The following CSMD2 variants were observed in gnomAD, a reference collection of about 807,000 sequenced individuals.
The protein encoded by CSMD2 is CUB and sushi domain-containing protein 2.
Under a neutral mutation model 398.5 loss-of-function variants are expected in CSMD2, and 130 were observed. The observed-to-expected ratio is 0.33, with a 90% confidence interval of 0.28 to 0.38. The LOEUF is 0.38. Among genes scored for constraint, CSMD2 ranks in the 10% least tolerant of loss-of-function variants. CSMD2 has a pLI of 1.00. For synonymous variants in CSMD2, 1,828 were observed against 1,908.5 expected (o/e 0.96, Z 1.10); for missense variants, 3,829 against 4,764.9 (o/e 0.80, Z 5.78).
chr1:33,723,073 GATCT>G (rs1425676740), intron 19 of CSMD2, among the ~76,000 whole-genome samples: 1 of 152,056 alleles, frequency 6.6e-6, no homozygotes, highest in Non-Finnish European at 1.5e-5. Flanking sequence ...CACACGGAGG[GATCT>G]ATTTCTGGAC....
Position 33,949,276 on chromosome 1 carries a change from G to A in CSMD2, c.518-13322C>T, listed in dbSNP as rs146714540. 6.6e-5 allele frequency among the ~76,000 whole-genome samples: 10 copies of A among 152,290 alleles called. No individual in the cohort carries two copies. In the East Asian group the frequency reaches 1.9e-3, roughly 29 times the overall value. On this transcript the variant is annotated intron_variant, in intron 3 of 70. Transcript: ENST00000373381. ...ACATATAAGCCCCTGGATTCCCTGG[G>A]AGAAGATGCCAGGGCAGTGTGGGAG...
intron 5 of CSMD2, among the ~76,000 whole-genome samples, chr1:33,861,778 T>G (rs538560845): frequency 1.3e-5 from 2 of 152,078 alleles, no homozygotes; most frequent in East Asian, 3.9e-4. Flanking sequence ...CAGGAGGAGA[T>G]AAAGAAAGGG....
chr1:33,732,362 A>G (rs962234252), intron 15 of CSMD2, among the ~76,000 whole-genome samples: 1 of 152,222 alleles, frequency 6.6e-6, no homozygotes, highest in African/African-American at 2.4e-5. Flanking sequence ...CCTAGCCACC[A>G]ATGTGACTGC....
chr1:33,717,517 C>T (rs920669351), intron 19 of CSMD2, among the ~76,000 whole-genome samples: 1 of 151,720 alleles, frequency 6.6e-6, no homozygotes, highest in African/African-American at 2.4e-5. Flanking sequence ...TCTTCTGTTA[C>T]CTAGGGAAGG....
At position 33,533,190 on chromosome 1, in the gene CSMD2, T is replaced by C. The variant is rs201358961; in HGVS notation, c.10031A>G (p.Asn3344Ser). 67 of 1,613,998 alleles carry C rather than the reference T, an allele frequency of 4.2e-5. No individual in the cohort carries two copies. The highest frequency in any genetic ancestry group is 6.7e-5 in the Admixed American group (4 of 60,022). Residue 3344 changes from asparagine to serine, a missense_variant, in exon 64 of 71, where the codon AAC (asparagine) becomes AGC (serine). Asn to Ser is a conservative substitution (Grantham distance 46). Transcript: ENST00000373381. This position sits in a 1 kb window ranked among gnomAD's most constrained non-coding sequence, Gnocchi z 4.2. ...CRQPETPTHANVGALDLPSMG... is the reference protein window; with the variant it reads ...CRQPETPTHASVGALDLPSMG... Reference sequence around the variant, plus strand: ...GGAGGGCAAATCCAGGGCCCCGACGTTGGCATGCGTTGGCGTCTCTGGCTG... The same window carrying C: ...GGAGGGCAAATCCAGGGCCCCGACGCTGGCATGCGTTGGCGTCTCTGGCTG...
At chr1:34,005,155 G>A (rs1419927128) in intron 3 of CSMD2, among the ~76,000 whole-genome samples, 2 of 152,192 alleles carry the variant, frequency 1.3e-5, no homozygotes, top group Admixed American at 6.5e-5. Flanking sequence ...TCTTCCCAGA[G>A]TAATAGGAAG....
At chr1:33,659,669 A>G (rs760512089) in intron 26 of CSMD2, among the ~76,000 whole-genome samples, 1 of 152,214 alleles carries the variant, frequency 6.6e-6, no homozygotes, top group Non-Finnish European at 1.5e-5. Context: ...CTCTTCTGCT[A>G]TCAGGAGGAC....
chr1:33,958,126 T>C (rs1645231488), intron 3 of CSMD2, among the ~76,000 whole-genome samples: 1 of 152,156 alleles, frequency 6.6e-6, no homozygotes, highest in Non-Finnish European at 1.5e-5. Context: ...CCCACGCCTT[T>C]TCCTGACTGC....
intron 55 of CSMD2, among the ~76,000 whole-genome samples, chr1:33,550,996 CATTT>C (rs1360220990): frequency 1.3e-5 from 2 of 152,210 alleles, no homozygotes; most frequent in African/African-American, 4.8e-5. Context: ...AAGATTCTCT[CATTT>C]ACTCAACACA....
At chr1:34,087,989 C>CTGGG (rs1658107925) in intron 2 of CSMD2, among the ~76,000 whole-genome samples, 1 of 152,168 alleles carries the variant, frequency 6.6e-6, no homozygotes, top group African/African-American at 2.4e-5. Flanking sequence ...GATGCCCCCC[C>CTGGG]GCCTCTGCTG....
At chr1:33,817,712 A>T (rs963706906) in intron 9 of CSMD2, among the ~76,000 whole-genome samples, 1 of 152,260 alleles carries the variant, frequency 6.6e-6, no homozygotes, top group African/African-American at 2.4e-5. Flanking sequence ...TGCCTCATCT[A>T]GTCCTCAAAG....
intron 29 of CSMD2, among the ~76,000 whole-genome samples, chr1:33,644,265 T>C (rs1643288519): frequency 6.6e-6 from 1 of 152,188 alleles, no homozygotes; most frequent in African/African-American, 2.4e-5. Flanking sequence ...ATGAATTTCC[T>C]TGGAGAAGAC....
At chr1:33,577,578 T>C (rs1164494039) in intron 48 of CSMD2, 94 bp from the exon 49 acceptor site, 7 of 1,093,548 alleles carry the variant, frequency 6.4e-6, no homozygotes, top group Non-Finnish European at 7.6e-6. Context: ...CTCCCCCCCA[T>C]CCCCTTGTCT....
intron 2 of CSMD2, among the ~76,000 whole-genome samples, chr1:34,056,878 G>T (rs1041798003): frequency 6.6e-6 from 1 of 152,190 alleles, no homozygotes; most frequent in South Asian, 2.1e-4. Context: ...GTCATATAAG[G>T]TGCCACTGGG....
intron 3 of CSMD2, among the ~76,000 whole-genome samples, chr1:34,024,444 AG>A (rs1314597151): frequency 6.6e-6 from 1 of 152,266 alleles, no homozygotes; most frequent in Non-Finnish European, 1.5e-5. Context: ...TCTTCCCCAA[AG>A]GGGTAAAATA....
chr1:33,698,979 C>A, intron 23 of CSMD2, 35 bp from the exon 24 acceptor site: 2 of 1,560,374 alleles, frequency 1.3e-6, no homozygotes, highest in African/African-American at 1.4e-5. Context: ...TGAGTAAGAC[C>A]TATTGTGGCA....
In CSMD2 at chr1:33,900,790, A is replaced by G. The variant is rs574119217; in HGVS notation, c.920+17304T>C. Among the ~76,000 whole-genome samples, 8 of 152,346 alleles carry G rather than the reference A, an allele frequency of 5.3e-5. No homozygotes were observed. The South Asian group carries it at 1.7e-3, about 32-fold the overall frequency. Reference sequence around the variant, plus strand: ...GGCAAAACTCCATCTCAAAAAAAAAAAAAAGAGTTTTGTAAACATTAAATG... The same window carrying G: ...GGCAAAACTCCATCTCAAAAAAAAAGAAAAGAGTTTTGTAAACATTAAATG... On this transcript the variant is annotated intron_variant, in intron 5 of 70. Coordinates refer to ENST00000373381, the MANE Select transcript of CSMD2 (RefSeq NM_001281956.2).
chr1:33,633,670 A>G lies in CSMD2; in HGVS notation c.5087-135T>C, dbSNP rs1642611045. The G allele has an allele frequency of 1.5e-6, 1 of 668,138 alleles. No homozygotes were observed. Among genetic ancestry groups the G allele is most frequent in the African/African-American group, 1.8e-5 (1 of 56,336 alleles). 41.4% of individuals were successfully genotyped at this position (668,138 alleles called of 1,614,324 possible). On this transcript the variant is annotated intron_variant, in intron 31 of 70. Coordinates refer to ENST00000373381, the MANE Select transcript of CSMD2 (RefSeq NM_001281956.2). This position sits in a 1 kb window ranked among gnomAD's most constrained non-coding sequence, Gnocchi z 5.0. ...TGGTTCCTGGGCTGTGGCTTGCTGCACTGGTTAGTGCAGTGGCACAGTCTG... is the reference window on the plus strand; with the variant it reads ...TGGTTCCTGGGCTGTGGCTTGCTGCGCTGGTTAGTGCAGTGGCACAGTCTG...
Position 33,724,602 on chromosome 1 carries a change from C to T in CSMD2, c.2798G>A (p.Cys933Tyr), listed in dbSNP as rs1219946396. ...GTCACTTAATGTGTAGCCCGAGTCA[C>T]AGCTGAAGGTCACCAGCGCGCCCAC... is the stretch of plus-strand genomic sequence containing the variant. Reference protein sequence around the residue: ...FYVGALVTFSCDSGYTLSDGE... With the variant: ...FYVGALVTFSYDSGYTLSDGE... Residue 933 changes from cysteine to tyrosine, a missense_variant, in exon 18 of 71, where the codon TGT becomes TAT. Physicochemically the swap from Cys to Tyr is radical, Grantham distance 194. Coordinates refer to ENST00000373381, the MANE Select transcript of CSMD2 (RefSeq NM_001281956.2). 1 of 1,614,204 alleles carries T rather than the reference C, an allele frequency of 6.2e-7. No homozygotes were observed. Among genetic ancestry groups the T allele is most frequent in the Admixed American group, 1.7e-5 (1 of 60,032 alleles).
Sources: allele counts gnomAD v4.1 joint callset (sites outside exome capture counted in the v4.1 genomes callset), GRCh38; gene constraint gnomAD v4.1.1; non-coding constraint Gnocchi (gnomAD v3.1); transcripts MANE v1.5; gene names NCBI Gene and HGNC (gene_info 2026-07-23, HGNC 2026-07-21).